Variants in CCDC102B observed in about 807,000 individuals in gnomAD.
The protein encoded by CCDC102B is coiled-coil domain-containing protein 102B.
In CCDC102B, 75 loss-of-function variants were observed where a neutral mutation model predicts 57.4. The ratio of observed to expected loss-of-function variants is 1.31; its 90% confidence interval spans 1.08 to 1.58. The LOEUF is 1.58. CCDC102B is among the 40% of genes most tolerant of loss of function. CCDC102B has a pLI of 0.00. For synonymous variants in CCDC102B, 206 were observed against 201.9 expected (o/e 1.02, Z -0.17); for missense variants, 636 against 582.6 (o/e 1.09, Z -0.94).
intron 7 of CCDC102B, among the ~76,000 whole-genome samples, chr18:69,019,209 A>G (rs961391880): frequency 6.6e-6 from 1 of 152,044 alleles, no homozygotes; most frequent in African/African-American, 2.4e-5. Context: ...TATGTTTCCA[A>G]ATGTATTTTG....
chr18:68,992,927 G>A (rs934429541), intron 6 of CCDC102B: 1 of 177,068 alleles, frequency 5.6e-6, no homozygotes, highest in Admixed American at 5.9e-5. Flanking sequence ...TGCAGACCTG[G>A]CTAAAAGCTG....
At chr18:68,877,656 G>C (rs1458494824) in intron 5 of CCDC102B, among the ~76,000 whole-genome samples, 1 of 152,218 alleles carries the variant, frequency 6.6e-6, no homozygotes, top group Non-Finnish European at 1.5e-5. Context: ...CCAGTGGAGA[G>C]AAATTTTCTG....
rs143858196 is a variant in CCDC102B at position 68,863,247 on chromosome 18, G to A, written c.937-11422G>A. On this transcript the variant is annotated intron_variant, in intron 4 of 7. Coordinates refer to ENST00000360242, the MANE Select transcript of CCDC102B (RefSeq NM_024781.3). ...AATAATTTATTCATTAAAAAATCTAGATCATTTATCCTGTAGAGTTTTAAT... is the reference window on the plus strand; with the variant it reads ...AATAATTTATTCATTAAAAAATCTAAATCATTTATCCTGTAGAGTTTTAAT... Among the ~76,000 whole-genome samples the A allele has an allele frequency of 9.3e-3, 1,410 of 150,804 alleles. 27 individuals are homozygous for A. Among genetic ancestry groups the A allele is most frequent in the African/African-American group, 0.032 (1,326 of 41,134 alleles).
In CCDC102B at chr18:68,789,882, T is replaced by C. The variant is rs571908985; in HGVS notation, c.-66-33484T>C. Among the ~76,000 whole-genome samples, 1,349 of 152,166 alleles carry C rather than the reference T, an allele frequency of 8.9e-3. 11 individuals are homozygous for C. The highest frequency in any genetic ancestry group is 0.024 in the Middle Eastern group (7 of 294). On this transcript the variant is annotated intron_variant, in intron 2 of 3. Coordinates refer to the CCDC102B transcript ENST00000578970. ...GTTCCGTTGCTGGTGAGGAACTGCG[T>C]TCCTTTGGAGGAGGAGAGGTTCTCT...
intron 4 of CCDC102B, among the ~76,000 whole-genome samples, chr18:68,853,724 T>C (rs2038251574): frequency 7.7e-6 from 1 of 130,598 alleles, no homozygotes; most frequent in African/African-American, 2.9e-5. Context: ...GAAACCTTTA[T>C]ATATGGTCCT....
intron 6 of CCDC102B, among the ~76,000 whole-genome samples, chr18:68,968,788 C>T (rs376190635): frequency 1.3e-4 from 20 of 152,204 alleles, no homozygotes; most frequent in East Asian, 5.8e-4. Context: ...AGAGCACTCA[C>T]GCAGTAGTTA....
intron 6 of CCDC102B, among the ~76,000 whole-genome samples, chr18:68,996,982 G>T (rs1386876466): frequency 6.6e-6 from 1 of 152,158 alleles, no homozygotes; most frequent in Non-Finnish European, 1.5e-5. Context: ...AATTATGGGG[G>T]TGATTTCCCT....
rs189920608 is a variant in CCDC102B, at chr18:69,014,372, T to C, written c.1434+3268T>C. ...ATCTAATAAAACTAGAAGGACCTTC[T>C]AGAGAGTAGAGCTAAGGAACATAGA... On this transcript the variant is annotated intron_variant, in intron 7 of 7. Transcript: ENST00000360242. Among the ~76,000 whole-genome samples the C allele has an allele frequency of 2.0e-3, 300 of 152,268 alleles. 1 individual carries two copies. Among genetic ancestry groups the C allele is most frequent in the African/African-American group, 6.9e-3 (286 of 41,566 alleles).
At chr18:68,724,600 C>G (rs900306424) in intron 2 of CCDC102B, among the ~76,000 whole-genome samples, 1 of 152,174 alleles carries the variant, frequency 6.6e-6, no homozygotes, top group Non-Finnish European at 1.5e-5. Flanking sequence ...CAGTTCCCAA[C>G]AAGTTCCTCT....
chr18:68,795,626 G>A (rs1015408157), upstream of CCDC102B, among the ~76,000 whole-genome samples: 2 of 152,058 alleles, frequency 1.3e-5, no homozygotes, highest in Admixed American at 6.6e-5. Context: ...ATTCTCCCCT[G>A]TGCGTTTTGT....
intron 1 of CCDC102B, chr18:68,823,529 T>G (rs1303418772): frequency 6.6e-6 from 1 of 152,216 alleles, no homozygotes; most frequent in Non-Finnish European, 1.5e-5. Context: ...GCACGTGTCT[T>G]TTTGGCTTCA....
intron 2 of CCDC102B, among the ~76,000 whole-genome samples, chr18:68,765,320 GGAAGGAAAGAAAGAAAGAAAGAAA>G (rs1236216169): frequency 4.4e-4 from 18 of 40,606 alleles, no homozygotes; most frequent in Non-Finnish European, 8.8e-4. Context: ...AAGGAAGGAA[GGAAGGAAAGAAAGAAAGAAAGAAA>G]GAAAGAAAGA....
chr18:68,834,588 A>G (rs1452386459), intron 1 of CCDC102B, among the ~76,000 whole-genome samples: 1 of 151,352 alleles, frequency 6.6e-6, no homozygotes, highest in Non-Finnish European at 1.5e-5. Context: ...AATCAGCAAT[A>G]ATTGAAACAT....
chr18:68,930,379 A>G (rs551462466), intron 6 of CCDC102B, among the ~76,000 whole-genome samples: 2 of 151,850 alleles, frequency 1.3e-5, no homozygotes, highest in East Asian at 3.9e-4. Context: ...GGAAAATCTC[A>G]ATGACTTAAT....
At chr18:68,845,191 A>G (rs1433825080) in intron 3 of CCDC102B, among the ~76,000 whole-genome samples, 2 of 151,900 alleles carry the variant, frequency 1.3e-5, no homozygotes, top group African/African-American at 4.8e-5. Context: ...ACTTTGAATT[A>G]TCATAGTATT....
chr18:68,952,019 ATAAAAT>A (rs1194785051), intron 6 of CCDC102B, among the ~76,000 whole-genome samples: 1 of 152,186 alleles, frequency 6.6e-6, no homozygotes, highest in South Asian at 2.1e-4. Flanking sequence ...TACTAATGAA[ATAAAAT>A]TGTACTGCAT....
intron 2 of CCDC102B, chr18:68,754,175 A>G (rs1020171056): frequency 7.2e-5 from 11 of 152,176 alleles, no homozygotes; most frequent in African/African-American, 2.2e-4. Context: ...AAAATTATAA[A>G]AAAACAATAG....
chr18:68,743,041 C>T (rs1568227793), intron 2 of CCDC102B, among the ~76,000 whole-genome samples: 2 of 152,000 alleles, frequency 1.3e-5, no homozygotes, highest in African/African-American at 4.8e-5. Context: ...ATGGGTTAGA[C>T]ATCCTGACCT....
intron 6 of CCDC102B, among the ~76,000 whole-genome samples, chr18:68,933,672 G>T (rs1442921189): frequency 6.6e-6 from 1 of 151,784 alleles, no homozygotes; most frequent in African/African-American, 2.4e-5. Context: ...ATTTATTGTT[G>T]TATTATACTG....
Sources: allele counts gnomAD v4.1 joint callset (sites outside exome capture counted in the v4.1 genomes callset), GRCh38; gene constraint gnomAD v4.1.1; transcripts MANE v1.5; gene names NCBI Gene and HGNC (gene_info 2026-07-23, HGNC 2026-07-21).